IL20RA: variants seen among roughly 807,000 people sequenced by gnomAD.
The protein encoded by IL20RA is interleukin-20 receptor subunit alpha.
In IL20RA, 29 loss-of-function variants were observed where a neutral mutation model predicts 36.5. The ratio of observed to expected loss-of-function variants is 0.79; its 90% confidence interval spans 0.59 to 1.08. The LOEUF (loss-of-function observed/expected upper bound fraction) is 1.08, where lower values mean the gene tolerates loss of function less well. Among genes scored for constraint, IL20RA ranks in the 50% least tolerant of loss-of-function variants. The pLI is 0.00. For synonymous variants in IL20RA, 279 were observed against 267.1 expected (o/e 1.04, Z -0.43); for missense variants, 652 against 668.4 (o/e 0.98, Z 0.27).
chr6:137,020,065 T>C (rs1381201257), intron 1 of IL20RA, among the ~76,000 whole-genome samples: 1 of 152,258 alleles, frequency 6.6e-6, no homozygotes, highest in Non-Finnish European at 1.5e-5. Flanking sequence ...TAAAAGGCAC[T>C]GTGGCTTCTG....
chr6:137,034,616 G>C (rs868656416), intron 1 of IL20RA, among the ~76,000 whole-genome samples: 1 of 152,186 alleles, frequency 6.6e-6, no homozygotes, highest in Middle Eastern at 3.4e-3. Flanking sequence ...CTGTGTCCAT[G>C]TGTTCTCATT....
At position 137,008,677 on chromosome 6, in the gene IL20RA, C is replaced by G. The variant is rs752578754; in HGVS notation, c.646G>C (p.Val216Leu). The change falls in exon 5 of 7, where the codon GTA becomes CTA. Residue 216 changes from valine to leucine, a missense_variant. Transcript: ENST00000316649. ...TWLEPNTLYC[V>L]HVESFVPGPP... ...CCTGGGACGAAGGACTCCACGTGTACGCAGTAAAGAGTGTTCGGCTCCAGC... is the reference window on the plus strand; with the variant it reads ...CCTGGGACGAAGGACTCCACGTGTAGGCAGTAAAGAGTGTTCGGCTCCAGC... 1.2e-6 allele frequency: 2 copies of G among 1,608,816 alleles called. No homozygotes were observed. The highest frequency in any genetic ancestry group is 2.7e-5 in the African/African-American group (2 of 74,770).
chr6:137,002,310 C>T lies in IL20RA; in HGVS notation c.910G>A (p.Ala304Thr), dbSNP rs1775102352. The change falls in exon 7 of 7, where the codon GCT becomes ACT. Residue 304 changes from alanine to threonine, a missense_variant. Transcript: ENST00000316649. ...NEFDKRFFVP[A>T]EKIVINFITL... ...ATAAAGTTAATCACGATTTTTTCAG[C>T]AGGCACAAAGAATCTTTTGTCAAAT... 6.2e-7 allele frequency: 1 copy of T among 1,607,516 alleles called. No homozygotes were observed. The highest frequency in any genetic ancestry group is 8.5e-7 in the Non-Finnish European group (1 of 1,177,828).
intron 1 of IL20RA, among the ~76,000 whole-genome samples, chr6:137,024,093 A>AAAAACAAAAC: frequency 6.6e-6 from 1 of 152,298 alleles, no homozygotes; most frequent in Non-Finnish European, 1.5e-5. Context: ...GACTCTATCT[A>AAAAACAAAAC]AAAACAAAAC....
At chr6:137,003,294 C>T (rs1175727098) in intron 6 of IL20RA, among the ~76,000 whole-genome samples, 1 of 152,186 alleles carries the variant, frequency 6.6e-6, no homozygotes, top group Non-Finnish European at 1.5e-5. Context: ...GGTATGTTAT[C>T]ATGTACACGT....
intron 1 of IL20RA, among the ~76,000 whole-genome samples, chr6:137,028,206 T>G (rs1419938885): frequency 6.6e-6 from 1 of 152,004 alleles, no homozygotes; most frequent in African/African-American, 2.4e-5. Context: ...TCACCTGAGG[T>G]CAGGAGTTCA....
At chr6:137,027,747 T>C (rs1030759853) in intron 1 of IL20RA, among the ~76,000 whole-genome samples, 3 of 152,192 alleles carry the variant, frequency 2.0e-5, no homozygotes, top group Non-Finnish European at 4.4e-5. Context: ...TTTTACAGCT[T>C]AGTGGATAGA....
chr6:137,011,484 G>C (rs574128582), intron 2 of IL20RA, 32 bp from the exon 3 acceptor site: 2 of 1,503,454 alleles, frequency 1.3e-6, no homozygotes, highest in Non-Finnish European at 1.8e-6. Flanking sequence ...TAATAATGAG[G>C]TGCCCTCTAT....
Position 137,002,205 on chromosome 6 carries a change from G to A in IL20RA, c.1015C>T (p.Leu339Phe). ...TTCCCGCTGGGCTGAGGATCATTAA[G>A]GCTGGATACATCACTGCTTTTTCCC... Reference protein sequence around the residue: ...LLGKSSDVSSLNDPQPSGNLR... With the variant: ...LLGKSSDVSSFNDPQPSGNLR... The change falls in exon 7 of 7, where the codon CTT becomes TTT. Residue 339 changes from leucine (L) to phenylalanine (F), a missense_variant. Coordinates refer to ENST00000316649, the MANE Select transcript of IL20RA (RefSeq NM_014432.4). 4 of 1,614,100 alleles carry A rather than the reference G, an allele frequency of 2.5e-6. No individual in the cohort carries two copies. The highest frequency in any genetic ancestry group is 3.4e-6 in the Non-Finnish European group (4 of 1,180,022).
At chr6:137,003,911 T>C (rs898013026) in intron 6 of IL20RA, among the ~76,000 whole-genome samples, 1 of 152,158 alleles carries the variant, frequency 6.6e-6, no homozygotes, top group Non-Finnish European at 1.5e-5. Flanking sequence ...AGCCCTGGCA[T>C]GAGAGCTGAG....
chr6:137,029,976 A>G (rs1776215066), intron 1 of IL20RA, among the ~76,000 whole-genome samples: 1 of 151,846 alleles, frequency 6.6e-6, no homozygotes, highest in African/African-American at 2.4e-5. Flanking sequence ...TAAATGGTAA[A>G]TAATGGACAA....
At chr6:137,037,548 T>TA in intron 1 of IL20RA, among the ~76,000 whole-genome samples, 1 of 152,246 alleles carries the variant, frequency 6.6e-6, no homozygotes, top group South Asian at 2.1e-4. Flanking sequence ...ACAACAAAGA[T>TA]AAGAAAGGAG....
chr6:137,026,882 GTCT>G lies in IL20RA; in HGVS notation c.89-9782_89-9780del, dbSNP rs547972802. Among the ~76,000 whole-genome samples the G allele has an allele frequency of 1.1e-4, 17 of 151,846 alleles. No homozygotes were observed. In the East Asian group the frequency reaches 3.3e-3, roughly 29 times the overall value. ...TATATCAAGTTCCCACAAAAAGTAA[GTCT>G]TCTTTTTTTTTTTGAGATGGAGTGT... is the stretch of plus-strand genomic sequence containing the variant. On this transcript the variant is annotated intron_variant, in intron 1 of 6. Coordinates refer to ENST00000316649, the MANE Select transcript of IL20RA (RefSeq NM_014432.4).
intron 1 of IL20RA, among the ~76,000 whole-genome samples, chr6:137,026,087 A>G (rs1055520224): frequency 1.3e-5 from 2 of 152,178 alleles, no homozygotes; most frequent in African/African-American, 4.8e-5. Flanking sequence ...CCCCTTTGGG[A>G]CCATTCAAGT....
chr6:137,009,593 C>CTTT, intron 3 of IL20RA, 101 bp from the exon 4 acceptor site: 1 of 459,520 alleles, frequency 2.2e-6, no homozygotes, highest in Non-Finnish European at 3.7e-6. Context: ...TAAAAGACAT[C>CTTT]CTTTTTTTTT....
At chr6:137,027,333 C>T (rs1776128066) in intron 1 of IL20RA, among the ~76,000 whole-genome samples, 1 of 152,234 alleles carries the variant, frequency 6.6e-6, no homozygotes, top group Admixed American at 6.5e-5. Context: ...CTAACCACCA[C>T]CTCACTATTA....
intron 4 of IL20RA, chr6:137,009,110 T>C (rs1775380108): frequency 1.6e-6 from 1 of 618,042 alleles, no homozygotes; most frequent in African/African-American, 1.8e-5. Flanking sequence ...AACAACACCA[T>C]ATCCTGTCAA....
intron 5 of IL20RA, among the ~76,000 whole-genome samples, chr6:137,005,790 T>C (rs1775256855): frequency 6.6e-6 from 1 of 152,094 alleles, no homozygotes; most frequent in South Asian, 2.1e-4. Context: ...TTGATGACCC[T>C]AAGGAACAGG....
At position 137,001,366 on chromosome 6, in the gene IL20RA, T is replaced by A. The variant is rs534146931; in HGVS notation, c.*192A>T. The stretch of plus-strand genomic sequence containing the variant: ...GCCCCTGGACTCCAGAGGCCCACCA[T>A]CATTGTTAAGAGACCTACATGCATG... On this transcript the variant is annotated 3_prime_UTR_variant, in exon 7 of 7. Coordinates refer to ENST00000316649, the MANE Select transcript of IL20RA (RefSeq NM_014432.4). 4.0e-5 allele frequency: 19 copies of A among 471,234 alleles called. No homozygotes were observed. Among genetic ancestry groups the A allele is most frequent in the African/African-American group, 3.6e-4 (18 of 50,526 alleles). 29.2% of individuals were successfully genotyped at this position (471,234 alleles called of 1,614,324 possible).
Sources: allele counts gnomAD v4.1 joint callset (sites outside exome capture counted in the v4.1 genomes callset), GRCh38; gene constraint gnomAD v4.1.1; transcripts MANE v1.5; gene names NCBI Gene and HGNC (gene_info 2026-07-23, HGNC 2026-07-21).